ZFHX3: variants seen among roughly 807,000 people sequenced by gnomAD.
ZFHX3 encodes the protein zinc finger homeobox 3.
In ZFHX3, 42 loss-of-function variants were observed where a neutral mutation model predicts 279.1. That is an observed-to-expected ratio of 0.15 (90% confidence interval 0.12 to 0.19). The LOEUF (loss-of-function observed/expected upper bound fraction) is 0.19. Among genes scored for constraint, ZFHX3 ranks in the 10% least tolerant of loss-of-function variants. ZFHX3 has a pLI of 1.00. For missense variants in ZFHX3, 4,981 were observed against 4,754.0 expected, an observed-to-expected ratio of 1.05 and a Z score of -1.40; for synonymous variants, 2,293 against 1,957.8, an observed-to-expected ratio of 1.17 and a Z score of -4.52.
intron 1 of ZFHX3, among the ~76,000 whole-genome samples, chr16:73,733,261 T>C (rs1246048405): frequency 6.6e-6 from 1 of 152,182 alleles, no homozygotes; most frequent in African/African-American, 2.4e-5. Flanking sequence ...TGAAGAAGTA[T>C]TATCTTCTAC....
At chr16:73,691,413 T>A (rs1030551946) in intron 1 of ZFHX3, among the ~76,000 whole-genome samples, 1 of 152,228 alleles carries the variant, frequency 6.6e-6, no homozygotes, top group Non-Finnish European at 1.5e-5. Context: ...GAAAGAGTAA[T>A]ATTATCTCCA....
chr16:73,481,060 G>A (rs972147264), intron 2 of ZFHX3, among the ~76,000 whole-genome samples: 6 of 152,146 alleles, frequency 3.9e-5, no homozygotes, highest in African/African-American at 1.4e-4. Context: ...GCTGGGTGTG[G>A]TGGCTCACAC....
At chr16:73,309,176 T>A (rs1258176821) in intron 4 of ZFHX3, among the ~76,000 whole-genome samples, 1 of 152,200 alleles carries the variant, frequency 6.6e-6, no homozygotes, top group Non-Finnish European at 1.5e-5. Flanking sequence ...TTTTGTCATC[T>A]GAGTACTAAG....
intron 1 of ZFHX3, among the ~76,000 whole-genome samples, chr16:73,874,313 T>G (rs1177546428): frequency 6.6e-6 from 1 of 152,216 alleles, no homozygotes; most frequent in Non-Finnish European, 1.5e-5. Context: ...AAAAAAATTA[T>G]ACGGGCAAAA....
At chr16:73,775,565 CCA>C (rs1338228301) in intron 1 of ZFHX3, among the ~76,000 whole-genome samples, 2 of 152,096 alleles carry the variant, frequency 1.3e-5, no homozygotes, top group African/African-American at 4.8e-5. Context: ...GTGCTGAGCC[CCA>C]GTTATATTTA....
intron 5 of ZFHX3, among the ~76,000 whole-genome samples, chr16:73,237,756 G>C (rs993997572): frequency 4.6e-5 from 7 of 151,938 alleles, no homozygotes; most frequent in African/African-American, 1.7e-4. Flanking sequence ...GTTATTTGTA[G>C]TTATGTGCAC....
chr16:73,765,879 C>G (rs115002201), intron 1 of ZFHX3, among the ~76,000 whole-genome samples: 1,575 of 152,330 alleles, frequency 0.01, 26 homozygotes, highest in African/African-American at 0.036. Flanking sequence ...GGCCACACCA[C>G]TGGCCAGGAG....
intron 5 of ZFHX3, among the ~76,000 whole-genome samples, chr16:73,217,127 C>A (rs2144916364): frequency 6.6e-6 from 1 of 152,318 alleles, no homozygotes; most frequent in Non-Finnish European, 1.5e-5. Context: ...TTTCCCTGGG[C>A]TGTGACTGTT....
At chr16:72,901,731 G>C (rs1373301463) in intron 3 of ZFHX3, among the ~76,000 whole-genome samples, 1 of 152,206 alleles carries the variant, frequency 6.6e-6, no homozygotes. Context: ...GGTTCTTTGA[G>C]GAAGGACAGA....
At chr16:73,627,918 A>AAAAAG (rs929149338) in intron 2 of ZFHX3, among the ~76,000 whole-genome samples, 29 of 152,308 alleles carry the variant, frequency 1.9e-4, no homozygotes, top group Admixed American at 1.0e-3. Context: ...ACTCCATCTC[A>AAAAAG]AAAAGAAAAG....
At position 73,711,503 on chromosome 16, in the gene ZFHX3, C is replaced by G. The variant is rs113411648; in HGVS notation, c.-1607-31263G>C. Among the ~76,000 whole-genome samples the G allele has an allele frequency of 3.6e-3, 554 of 152,160 alleles. 5 individuals are homozygous for G. The highest frequency in any genetic ancestry group is 0.013 in the African/African-American group (536 of 41,510). On this transcript the variant is annotated intron_variant, in intron 1 of 17. Transcript: ENST00000641206. Reference sequence around the variant, plus strand: ...GCAAAATCACTGAATGGAAATGGCCCGCTGCTGGCAGTTGACTCCATATGT... The same window carrying G: ...GCAAAATCACTGAATGGAAATGGCCGGCTGCTGGCAGTTGACTCCATATGT...
At chr16:73,887,573 C>G (rs2030388019) in intron 1 of ZFHX3, among the ~76,000 whole-genome samples, 2 of 151,930 alleles carry the variant, frequency 1.3e-5, no homozygotes, top group South Asian at 4.1e-4. Flanking sequence ...CAAAAAAAAG[C>G]AGGCTCTTGT....
intron 8 of ZFHX3, among the ~76,000 whole-genome samples, chr16:73,085,824 A>G (rs1021127778): frequency 1.3e-5 from 2 of 152,168 alleles, no homozygotes; most frequent in African/African-American, 4.8e-5. Context: ...GCAAAATTAG[A>G]AAAATGGAAT....
chr16:73,406,985 G>T (rs1197823342), intron 3 of ZFHX3, among the ~76,000 whole-genome samples: 1 of 152,168 alleles, frequency 6.6e-6, no homozygotes, highest in Admixed American at 6.5e-5. Context: ...TCAAGGTTTT[G>T]GTGATGCCCT....
chr16:73,186,079 C>G (rs1168585616), intron 5 of ZFHX3, among the ~76,000 whole-genome samples: 5 of 151,996 alleles, frequency 3.3e-5, no homozygotes, highest in African/African-American at 1.2e-4. Context: ...TCACTGTCTC[C>G]CATCACCCCC....
rs770702838 is a variant in ZFHX3 at position 72,796,427 on chromosome 16, G to A, written c.6255C>T (p.Leu2085=). Residue 2085 remains leucine, a synonymous_variant, in exon 9 of 10, where the codon CTC becomes CTT. Coordinates refer to ENST00000268489, the MANE Select transcript of ZFHX3 (RefSeq NM_006885.4). The part of the protein sequence containing the change: ...TIAPAQPSVP[L]TQLSMPMELP... ...GCTCCATCGGCATGGAGAGCTGGGT[G>A]AGCGGCACTGATGGCTGGGCCGGTG... 1.2e-6 allele frequency: 2 copies of A among 1,611,156 alleles called. No individual in the cohort carries two copies. Among genetic ancestry groups the A allele is most frequent in the Admixed American group, 1.7e-5 (1 of 59,988 alleles).
intron 8 of ZFHX3, among the ~76,000 whole-genome samples, chr16:73,087,042 C>T (rs1966018312): frequency 6.6e-6 from 1 of 152,152 alleles, no homozygotes; most frequent in East Asian, 1.9e-4. Context: ...GATCATTACC[C>T]ATTGTTCACA....
chr16:73,515,005 A>G (rs1167729577), intron 2 of ZFHX3, among the ~76,000 whole-genome samples: 1 of 152,208 alleles, frequency 6.6e-6, no homozygotes, highest in East Asian at 1.9e-4. Flanking sequence ...TCATGAAACA[A>G]AAGGACTTAA....
intron 5 of ZFHX3, among the ~76,000 whole-genome samples, chr16:73,248,094 A>C (rs1436915271): frequency 2.0e-5 from 3 of 149,570 alleles, no homozygotes; most frequent in African/African-American, 5.0e-5. Flanking sequence ...GTGTGTGTGT[A>C]TATGTGCCTG....
Sources: allele counts gnomAD v4.1 joint callset (sites outside exome capture counted in the v4.1 genomes callset), GRCh38; gene constraint gnomAD v4.1.1; transcripts MANE v1.5; gene names NCBI Gene and HGNC (gene_info 2026-07-23, HGNC 2026-07-21).